Variants in MBTD1 observed in about 807,000 individuals in gnomAD.
MBTD1 encodes the protein mbt domain containing 1, also known as MBT domain-containing protein 1.
A neutral mutation model predicts 87.8 loss-of-function variants in MBTD1; 24 were observed. The ratio of observed to expected loss-of-function variants is 0.27; its 90% CI spans 0.20 to 0.38. MBTD1 has a LOEUF of 0.38. MBTD1 is among the 10% of genes least tolerant of loss of function. MBTD1 has a pLI of 1.00. For missense variants in MBTD1, 436 were observed against 760.2 expected (o/e 0.57, Z 5.02); for synonymous variants, 237 against 248.6 (o/e 0.95, Z 0.44).
At chr17:51,188,308 A>T (rs2050639837) in intron 16 of MBTD1, among the ~76,000 whole-genome samples, 1 of 152,204 alleles carries the variant, frequency 6.6e-6, no homozygotes, top group South Asian at 2.1e-4. Flanking sequence ...CCTTATACTT[A>T]TTCTCAAAAG....
chr17:51,224,450 C>T (rs2053096788), intron 3 of MBTD1, among the ~76,000 whole-genome samples: 1 of 152,148 alleles, frequency 6.6e-6, no homozygotes, highest in Non-Finnish European at 1.5e-5. Context: ...AAAGGCAAAA[C>T]TAAGACCAAA....
Position 51,259,157 on chromosome 17 carries a change from G to A in MBTD1, c.-63C>T, listed in dbSNP as rs2055284416. On this transcript the variant is annotated 5_prime_UTR_variant, in exon 2 of 17. Transcript: ENST00000586178. Reference sequence around the variant, plus strand: ...AGACTACCTACCACTTGTCAGAGAGGCTGCAGAGGGGACGGCTGCTTTGGA... The same window carrying A: ...AGACTACCTACCACTTGTCAGAGAGACTGCAGAGGGGACGGCTGCTTTGGA... 5.3e-6 allele frequency: 4 copies of A among 761,080 alleles called. No homozygotes were observed. Among genetic ancestry groups the A allele is most frequent in the Middle Eastern group, 4.4e-4 (1 of 2,272 alleles). The allele number at this position is 761,080 out of a possible 1,614,324, so 47.1% of individuals were successfully genotyped here.
chr17:51,201,985 T>C (rs754236167), intron 11 of MBTD1, 37 bp downstream of exon 11: 2 of 1,441,366 alleles, frequency 1.4e-6, no homozygotes, highest in East Asian at 2.3e-5. Context: ...CTTTCAAACC[T>C]AATTTACAAA....
intron 12 of MBTD1, among the ~76,000 whole-genome samples, chr17:51,197,915 T>C (rs1308907346): frequency 6.6e-6 from 1 of 152,214 alleles, no homozygotes; most frequent in Admixed American, 6.5e-5. Flanking sequence ...TCTGGAATGC[T>C]CTTTCACCTC....
intron 12 of MBTD1, among the ~76,000 whole-genome samples, chr17:51,200,559 CAA>C (rs34253360): frequency 2.4e-4 from 15 of 62,284 alleles, no homozygotes; most frequent in South Asian, 7.1e-4. Context: ...GATACCATCT[CAA>C]AAAAAAAAAA....
intron 2 of MBTD1, among the ~76,000 whole-genome samples, chr17:51,255,525 G>A (rs1215862098): frequency 6.6e-6 from 1 of 151,702 alleles, no homozygotes; most frequent in Non-Finnish European, 1.5e-5. Flanking sequence ...CTTCTCTGGT[G>A]TATAAAATAA....
chr17:51,244,970 GGCTCACTGCAACCTCC>G (rs774154155), intron 2 of MBTD1, among the ~76,000 whole-genome samples: 10 of 151,314 alleles, frequency 6.6e-5, no homozygotes, highest in Non-Finnish European at 1.0e-4. Flanking sequence ...GCATGATCTC[GGCTCACTGCAACCTCC>G]GCCTCCCAGG....
At chr17:51,187,026 T>C (rs1360537408) in intron 16 of MBTD1, among the ~76,000 whole-genome samples, 1 of 152,166 alleles carries the variant, frequency 6.6e-6, no homozygotes, top group Non-Finnish European at 1.5e-5. Flanking sequence ...AACTTTTAGT[T>C]TACAATTCAC....
chr17:51,245,020 C>T (rs1019523547), intron 2 of MBTD1, among the ~76,000 whole-genome samples: 1 of 152,170 alleles, frequency 6.6e-6, no homozygotes, highest in East Asian at 1.9e-4. Context: ...CCTGCTTCAG[C>T]TTCTCGAGTA....
At chr17:51,236,155 A>G (rs1339312599) in intron 2 of MBTD1, among the ~76,000 whole-genome samples, 3 of 152,210 alleles carry the variant, frequency 2.0e-5, no homozygotes, top group African/African-American at 4.8e-5. Flanking sequence ...GAATCTATAT[A>G]TATCTATAGA....
chr17:51,235,237 G>A (rs910274188), intron 2 of MBTD1, among the ~76,000 whole-genome samples: 9 of 152,074 alleles, frequency 5.9e-5, no homozygotes, highest in African/African-American at 2.2e-4. Flanking sequence ...CTGGGTTCAA[G>A]CTATTCTCGT....
At chr17:51,248,648 T>C (rs2054592052) in intron 2 of MBTD1, among the ~76,000 whole-genome samples, 1 of 152,232 alleles carries the variant, frequency 6.6e-6, no homozygotes, top group South Asian at 2.1e-4. Context: ...GTCTAATTTC[T>C]TCCAGTCAGC....
chr17:51,239,705 C>T (rs1181561569), intron 2 of MBTD1, among the ~76,000 whole-genome samples: 1 of 151,938 alleles, frequency 6.6e-6, no homozygotes, highest in Non-Finnish European at 1.5e-5. Context: ...TATCCCCCAG[C>T]GGTGACAACC....
At chr17:51,221,222 C>T (rs2052868709) in intron 3 of MBTD1, among the ~76,000 whole-genome samples, 2 of 152,186 alleles carry the variant, frequency 1.3e-5, no homozygotes, top group African/African-American at 4.8e-5. Flanking sequence ...TGCTTAAGTC[C>T]AGGAGTTCAG....
intron 16 of MBTD1, among the ~76,000 whole-genome samples, chr17:51,181,091 G>T (rs963826426): frequency 6.8e-6 from 1 of 147,950 alleles, no homozygotes; most frequent in African/African-American, 2.5e-5. Context: ...GAGTGAACTC[G>T]GCTTACTGCA....
At chr17:51,242,864 T>C (rs1276340223) in intron 2 of MBTD1, among the ~76,000 whole-genome samples, 1 of 152,160 alleles carries the variant, frequency 6.6e-6, no homozygotes, top group African/African-American at 2.4e-5. Flanking sequence ...CTCTCTCCTG[T>C]GTTTTTGTTT....
chr17:51,241,826 A>G (rs751912555), intron 2 of MBTD1, among the ~76,000 whole-genome samples: 2 of 152,186 alleles, frequency 1.3e-5, no homozygotes, highest in South Asian at 4.1e-4. Context: ...TTGGCTTCGC[A>G]AAGTGCTAGG....
At chr17:51,260,683 G>C, upstream of MBTD1, 1 of 1,608,634 alleles carries the variant, frequency 6.2e-7, no homozygotes, top group African/African-American at 1.3e-5. Flanking sequence ...AAGCCGGAGC[G>C]GGGCCAGGCG....
chr17:51,209,658 G>T (rs2052054056), intron 6 of MBTD1, among the ~76,000 whole-genome samples: 1 of 152,206 alleles, frequency 6.6e-6, no homozygotes, highest in South Asian at 2.1e-4. Flanking sequence ...CTTTATGGCA[G>T]AGATACAGAT....
Sources: allele counts gnomAD v4.1 joint callset (sites outside exome capture counted in the v4.1 genomes callset), GRCh38; gene constraint gnomAD v4.1.1; transcripts MANE v1.5; gene names NCBI Gene and HGNC (gene_info 2026-07-23, HGNC 2026-07-21).